Variants in SOX9 observed in about 807,000 individuals in gnomAD.
SOX9 encodes transcription factor SOX-9.
SOX9 carries 2 observed loss-of-function variants against 44.8 expected under a neutral mutation model. That is an observed-to-expected ratio of 0.04 (90% CI 0.02 to 0.14). The LOEUF (loss-of-function observed/expected upper bound fraction) is 0.14. Ranked by LOEUF, SOX9 falls within the 10% of genes least tolerant of loss-of-function variation. The pLI, the probability that SOX9 is intolerant of heterozygous loss-of-function variation, is 1.00. For synonymous variants in SOX9, 381 were observed against 331.8 expected, an observed-to-expected ratio of 1.15 and a Z score of -1.61; for missense variants, 583 against 728.6, an observed-to-expected ratio of 0.80 and a Z score of 2.30.
rs763744617 is a variant in SOX9, at chr17:72,124,111, C to T, written c.1254C>T (p.Ile418=). 1 of 1,613,814 alleles carries T rather than the reference C, an allele frequency of 6.2e-7. No individual in the cohort carries two copies. Among genetic ancestry groups the T allele is most frequent in the Non-Finnish European group, 8.5e-7 (1 of 1,179,990 alleles). ...AGCAGCAGCACTCGCCCCAACAGAT[C>T]GCCTACAGCCCCTTCAACCTCCCAC... ...SEQQQHSPQQ[I]AYSPFNLPHY... The change falls in exon 3 of 3, where the codon ATC becomes ATT. Residue 418 remains isoleucine (I), a synonymous_variant. Coordinates refer to ENST00000245479, the MANE Select transcript of SOX9 (RefSeq NM_000346.4). The surrounding 1 kb of genome is among the most constrained non-coding windows in gnomAD (Gnocchi z 4.6).
At chr17:72,122,571 G>A (rs889130376) in intron 1 of SOX9, 148 bp from the exon 2 acceptor site, 1 of 681,790 alleles carries the variant, frequency 1.5e-6, no homozygotes, top group African/African-American at 1.8e-5. Context: ...ATGAGCTGTG[G>A]TTGCAGGCAG....
Position 72,123,014 on chromosome 17 carries a change from C to G in SOX9, c.685+42C>G. Reference sequence around the variant, plus strand: ...CCCCACCGGACAAGCTATCTCCGTCCCGCCTGGCACACCCCCTGCCCTCCG... The same window carrying G: ...CCCCACCGGACAAGCTATCTCCGTCGCGCCTGGCACACCCCCTGCCCTCCG... On this transcript the variant is annotated intron_variant, in intron 2 of 2. Coordinates refer to ENST00000245479, the MANE Select transcript of SOX9 (RefSeq NM_000346.4). The surrounding 1 kb of genome is among the most constrained non-coding windows in gnomAD (Gnocchi z 6.5). The G allele has an allele frequency of 1.2e-6, 2 of 1,604,818 alleles. No individual in the cohort carries two copies. The highest frequency in any genetic ancestry group is 1.7e-6 in the Non-Finnish European group (2 of 1,178,504).
rs1404583942 is a variant in SOX9, at chr17:72,121,438, A to T, written c.47A>T (p.Lys16Met). The change falls in exon 1 of 3, where the codon AAG becomes ATG. Residue 16 changes from lysine (K) to methionine (M), a missense_variant. By Grantham distance (95) the Lys-to-Met change is moderately conservative. Transcript: ENST00000245479. The surrounding 1 kb of genome is among the most constrained non-coding windows in gnomAD (Gnocchi z 8.3). ...PFMKMTDEQE[K>M]GLSGAPSPTM... ...ATGAAGATGACCGACGAGCAGGAGAAGGGCCTGTCCGGCGCCCCCAGCCCC... is the reference window on the plus strand; with the variant it reads ...ATGAAGATGACCGACGAGCAGGAGATGGGCCTGTCCGGCGCCCCCAGCCCC... 4 of 1,612,424 alleles carry T rather than the reference A, an allele frequency of 2.5e-6. No homozygotes were observed. Among genetic ancestry groups the T allele is most frequent in the Non-Finnish European group, 3.4e-6 (4 of 1,179,646 alleles).
In SOX9 at chr17:72,122,912, G is replaced by T. The variant is rs781092407; in HGVS notation, c.625G>T (p.Ala209Ser). Residue 209 changes from alanine (A) to serine (S), a missense_variant, in exon 2 of 3, where the codon GCC (alanine) becomes TCC (serine). By Grantham distance (99) the Ala-to-Ser change is moderately conservative. This residue lies in a region of SOX9 where 88 missense variants were observed against 65.5 expected (regional missense o/e 1.34). Transcript: ENST00000245479. ...CAACGCCATCTTCAAGGCGCTGCAGGCCGACTCGCCACACTCCTCCTCCGG... is the reference window on the plus strand; with the variant it reads ...CAACGCCATCTTCAAGGCGCTGCAGTCCGACTCGCCACACTCCTCCTCCGG... ...SPNAIFKALQADSPHSSSGMS... is the reference protein window; with the variant it reads ...SPNAIFKALQSDSPHSSSGMS... 2 of 1,614,104 alleles carry T rather than the reference G, an allele frequency of 1.2e-6. No individual in the cohort carries two copies. The highest frequency in any genetic ancestry group is 2.2e-5 in the South Asian group (2 of 91,082).
In SOX9 at chr17:72,125,625, C is replaced by T. The variant is rs946755152; in HGVS notation, c.*1238C>T. The T allele has an allele frequency of 2.8e-4, 62 of 220,488 alleles. No individual in the cohort carries two copies. Among genetic ancestry groups the T allele is most frequent in the African/African-American group, 1.3e-3 (58 of 43,538 alleles). 13.7% of individuals were successfully genotyped at this position (220,488 alleles called of 1,614,324 possible). A position where few individuals can be genotyped will look rare whatever the true frequency, so the allele number is the denominator to read the frequency against. On this transcript the variant is annotated 3_prime_UTR_variant, in exon 3 of 3. Transcript: ENST00000245479. ...TGGAGCTTTCCTCAAAGGGTATGGT[C>T]ATCTGTTGTTAAATTATGTTCTTAA...
In SOX9 at chr17:72,124,853, T is replaced by A. The variant is rs567372129; in HGVS notation, c.*466T>A. ...TATTTTTAGTATGTACTGTGTATGATTCATTACCATTTTGAGGGGATTTAT... is the reference window on the plus strand; with the variant it reads ...TATTTTTAGTATGTACTGTGTATGAATCATTACCATTTTGAGGGGATTTAT... On this transcript the variant is annotated 3_prime_UTR_variant, in exon 3 of 3. Coordinates refer to ENST00000245479, the MANE Select transcript of SOX9 (RefSeq NM_000346.4). The surrounding 1 kb of genome is among the most constrained non-coding windows in gnomAD (Gnocchi z 4.6). The A allele has an allele frequency of 6.6e-5, 18 of 271,728 alleles. No individual in the cohort carries two copies. Among genetic ancestry groups the A allele is most frequent in the African/African-American group, 3.0e-4 (14 of 46,318 alleles). 16.8% of individuals were successfully genotyped at this position (271,728 alleles called of 1,614,324 possible).
Position 72,121,304 on chromosome 17 carries a change from G to C in SOX9, c.-88G>C. On this transcript the variant is annotated 5_prime_UTR_variant, in exon 1 of 3. Coordinates refer to ENST00000245479, the MANE Select transcript of SOX9 (RefSeq NM_000346.4). This position sits in a 1 kb window ranked among gnomAD's most constrained non-coding sequence, Gnocchi z 8.3. Reference sequence around the variant, plus strand: ...CCGCTTGCTCCGCATCCGGGCAGCCGAGGGGAGAGGAGCCCGCGCCTCGAG... The same window carrying C: ...CCGCTTGCTCCGCATCCGGGCAGCCCAGGGGAGAGGAGCCCGCGCCTCGAG... 1.6e-6 allele frequency: 2 copies of C among 1,239,544 alleles called. No individual in the cohort carries two copies. The allele number at this position is 1,239,544 out of a possible 1,614,324, so 76.8% of individuals were successfully genotyped here.
Position 72,123,104 on chromosome 17 carries a change from C to A in SOX9, c.685+132C>A. Reference sequence around the variant, plus strand: ...GGGACACACTGCCCTTTGCGCCCGTCCCGCTCCCCTCTCTACCCAGAGCCT... The same window carrying A: ...GGGACACACTGCCCTTTGCGCCCGTACCGCTCCCCTCTCTACCCAGAGCCT... On this transcript the variant is annotated intron_variant, in intron 2 of 2. Coordinates refer to ENST00000245479, the MANE Select transcript of SOX9 (RefSeq NM_000346.4). This position sits in a 1 kb window ranked among gnomAD's most constrained non-coding sequence, Gnocchi z 6.5. 1 of 1,106,220 alleles carries A rather than the reference C, an allele frequency of 9.0e-7. No homozygotes were observed. The highest frequency in any genetic ancestry group is 2.0e-5 in the Admixed American group (1 of 49,966). 68.5% of individuals were successfully genotyped at this position (1,106,220 alleles called of 1,614,324 possible). A position where few individuals can be genotyped will look rare whatever the true frequency, so the allele number is the denominator to read the frequency against.
Position 72,121,440 on chromosome 17 carries a change from G to A in SOX9, c.49G>A (p.Gly17Ser). 1.2e-6 allele frequency: 2 copies of A among 1,612,858 alleles called. No homozygotes were observed. Among genetic ancestry groups the A allele is most frequent in the Non-Finnish European group, 1.7e-6 (2 of 1,179,848 alleles). Reference sequence around the variant, plus strand: ...GAAGATGACCGACGAGCAGGAGAAGGGCCTGTCCGGCGCCCCCAGCCCCAC... The same window carrying A: ...GAAGATGACCGACGAGCAGGAGAAGAGCCTGTCCGGCGCCCCCAGCCCCAC... The part of the protein sequence containing the change: ...FMKMTDEQEK[G>S]LSGAPSPTMS... Residue 17 changes from glycine (G) to serine (S), a missense_variant, in exon 1 of 3, where the codon GGC (glycine) becomes AGC (serine). Coordinates refer to ENST00000245479, the MANE Select transcript of SOX9 (RefSeq NM_000346.4). This position sits in a 1 kb window ranked among gnomAD's most constrained non-coding sequence, Gnocchi z 8.3.
chr17:72,121,250 G>T lies in SOX9; in HGVS notation c.-142G>T. On this transcript the variant is annotated 5_prime_UTR_variant, in exon 1 of 3. Coordinates refer to ENST00000245479, the MANE Select transcript of SOX9 (RefSeq NM_000346.4). This position sits in a 1 kb window ranked among gnomAD's most constrained non-coding sequence, Gnocchi z 8.3. ...GCCTTCCTAAGTGCTCGCCGCGGTA[G>T]CCGGCCGACGCGCCAGCTTCCCCGG... 1.3e-6 allele frequency: 1 copy of T among 741,786 alleles called. No individual in the cohort carries two copies. The highest frequency in any genetic ancestry group is 2.2e-6 in the Non-Finnish European group (1 of 449,830). 46.0% of individuals were successfully genotyped at this position (741,786 alleles called of 1,614,324 possible). A position where few individuals can be genotyped will look rare whatever the true frequency, so the allele number is the denominator to read the frequency against.
rs751227043 is a variant in SOX9, at chr17:72,122,959, C to G, written c.672C>G (p.Pro224=). 1 of 1,613,528 alleles carries G rather than the reference C, an allele frequency of 6.2e-7. No individual in the cohort carries two copies. Among genetic ancestry groups the G allele is most frequent in the Non-Finnish European group, 8.5e-7 (1 of 1,179,946 alleles). Residue 224 remains proline (P), a synonymous_variant, in exon 2 of 3, where the codon CCC becomes CCG. Transcript: ENST00000245479. Reference sequence around the variant, plus strand: ...CCGGCATGAGCGAGGTGCACTCCCCCGGCGAGCACTCGGGTGAGTCGCCCC... The same window carrying G: ...CCGGCATGAGCGAGGTGCACTCCCCGGGCGAGCACTCGGGTGAGTCGCCCC... The part of the protein sequence containing the change: ...SSSGMSEVHS[P]GEHSGQSQGP...
rs1230715160 is a variant in SOX9 at position 72,121,096 on chromosome 17, CTT to C, written c.-293_-292del. On this transcript the variant is annotated 5_prime_UTR_variant, in exon 1 of 3. Coordinates refer to ENST00000245479, the MANE Select transcript of SOX9 (RefSeq NM_000346.4). This position sits in a 1 kb window ranked among gnomAD's most constrained non-coding sequence, Gnocchi z 8.3. ...GACTCGCCAGTTTCAACCCCGGAAA[CTT>C]TTCTTTGCAGGAGGAGAAGAGAAGG... 6 of 546,626 alleles carry C rather than the reference CTT, an allele frequency of 1.1e-5. No individual in the cohort carries two copies. Among genetic ancestry groups the C allele is most frequent in the Non-Finnish European group, 1.9e-5 (6 of 313,444 alleles). The allele number at this position is 546,626 out of a possible 1,614,324, so 33.9% of individuals were successfully genotyped here.
chr17:72,122,968 C>A lies in SOX9; in HGVS notation c.681C>A (p.His227Gln), dbSNP rs2143247464. Residue 227 changes from histidine (H) to glutamine (Q), a missense_variant, in exon 2 of 3, where the codon CAC becomes CAA. Physicochemically the swap from His to Gln is conservative, Grantham distance 24 (BLOSUM62 0). Transcript: ENST00000245479. ...GMSEVHSPGE[H>Q]SGQSQGPPTP... Reference sequence around the variant, plus strand: ...GCGAGGTGCACTCCCCCGGCGAGCACTCGGGTGAGTCGCCCCTCGACCCCA... The same window carrying A: ...GCGAGGTGCACTCCCCCGGCGAGCAATCGGGTGAGTCGCCCCTCGACCCCA... The A allele has an allele frequency of 6.2e-7, 1 of 1,613,192 alleles. No homozygotes were observed. Among genetic ancestry groups the A allele is most frequent in the Non-Finnish European group, 8.5e-7 (1 of 1,179,944 alleles).
In SOX9 at chr17:72,123,996, ACACGCTGAC is replaced by A. The variant is rs1486257792; in HGVS notation, c.1148_1156del (p.Thr383_Leu385del). The A allele has an allele frequency of 1.3e-6, 2 of 1,599,230 alleles. No individual in the cohort carries two copies. Among genetic ancestry groups the A allele is most frequent in the African/African-American group, 1.3e-5 (1 of 74,668 alleles). ...GCACCCCCGCAGCAGCCACAGGCGC[ACACGCTGAC>A]CACGCTGAGCAGCGAGCCGGGCCAG... On this transcript the variant is annotated inframe_deletion, in exon 3 of 3. Coordinates refer to ENST00000245479, the MANE Select transcript of SOX9 (RefSeq NM_000346.4). This position sits in a 1 kb window ranked among gnomAD's most constrained non-coding sequence, Gnocchi z 6.5.
rs1345584333 is a variant in SOX9, at chr17:72,123,101, C to G, written c.685+129C>G. 6 of 1,169,912 alleles carry G rather than the reference C, an allele frequency of 5.1e-6. No homozygotes were observed. The East Asian group carries it at 1.5e-4, about 30-fold the overall frequency. 72.5% of individuals were successfully genotyped at this position (1,169,912 alleles called of 1,614,324 possible). ...GGAGGGACACACTGCCCTTTGCGCC[C>G]GTCCCGCTCCCCTCTCTACCCAGAG... On this transcript the variant is annotated intron_variant, in intron 2 of 2. Coordinates refer to ENST00000245479, the MANE Select transcript of SOX9 (RefSeq NM_000346.4). The surrounding 1 kb of genome is among the most constrained non-coding windows in gnomAD (Gnocchi z 6.5).
Position 72,125,736 on chromosome 17 carries a change from T to C in SOX9, c.*1349T>C, listed in dbSNP as rs1026476914. The C allele has an allele frequency of 2.2e-5, 5 of 226,738 alleles. No individual in the cohort carries two copies. The highest frequency in any genetic ancestry group is 8.9e-5 in the African/African-American group (4 of 44,960). The allele number at this position is 226,738 out of a possible 1,614,324, so 14.0% of individuals were successfully genotyped here. A position where few individuals can be genotyped will look rare whatever the true frequency, so the allele number is the denominator to read the frequency against. On this transcript the variant is annotated 3_prime_UTR_variant, in exon 3 of 3. Transcript: ENST00000245479. Reference sequence around the variant, plus strand: ...CTTTGTATTCCTCACCCTAGATTTGTATAAATGCCTTTTTGTCCATCCCTT... The same window carrying C: ...CTTTGTATTCCTCACCCTAGATTTGCATAAATGCCTTTTTGTCCATCCCTT...
rs775269336 is a variant in SOX9, at chr17:72,123,497, A to T, written c.686-46A>T. The T allele has an allele frequency of 6.2e-7, 1 of 1,612,868 alleles. No individual in the cohort carries two copies. Among genetic ancestry groups the T allele is most frequent in the South Asian group, 1.1e-5 (1 of 91,056 alleles). On this transcript the variant is annotated intron_variant, in intron 2 of 2. Transcript: ENST00000245479. This position sits in a 1 kb window ranked among gnomAD's most constrained non-coding sequence, Gnocchi z 6.5. Reference sequence around the variant, plus strand: ...GGGTGCCTAAGACTAGGGCGTCTGCACAGCCCTTGTTGATTTTCTCGTGCT... The same window carrying T: ...GGGTGCCTAAGACTAGGGCGTCTGCTCAGCCCTTGTTGATTTTCTCGTGCT...
Position 72,123,990 on chromosome 17 carries a change from A to G in SOX9, c.1133A>G (p.Gln378Arg), listed in dbSNP as rs763307623. 3 of 1,567,540 alleles carry G rather than the reference A, an allele frequency of 1.9e-6. No individual in the cohort carries two copies. The highest frequency in any genetic ancestry group is 1.7e-6 in the Non-Finnish European group (2 of 1,159,194). ...CCGGCGGCACCCCCGCAGCAGCCAC[A>G]GGCGCACACGCTGACCACGCTGAGC... ...QQPAAPPQQP[Q>R]AHTLTTLSSE... Residue 378 changes from glutamine (Q) to arginine (R), a missense_variant, in exon 3 of 3, where the codon CAG becomes CGG. Physicochemically the swap from Gln to Arg is conservative, Grantham distance 43 (BLOSUM62 1). Coordinates refer to ENST00000245479, the MANE Select transcript of SOX9 (RefSeq NM_000346.4). The surrounding 1 kb of genome is among the most constrained non-coding windows in gnomAD (Gnocchi z 6.5).
Position 72,124,023 on chromosome 17 carries a change from C to A in SOX9, c.1166C>A (p.Pro389Gln). The A allele has an allele frequency of 6.2e-7, 1 of 1,608,154 alleles. No homozygotes were observed. The highest frequency in any genetic ancestry group is 1.7e-5 in the Admixed American group (1 of 59,814). Reference sequence around the variant, plus strand: ...ACGCTGACCACGCTGAGCAGCGAGCCGGGCCAGTCCCAGCGAACGCACATC... The same window carrying A: ...ACGCTGACCACGCTGAGCAGCGAGCAGGGCCAGTCCCAGCGAACGCACATC... ...AHTLTTLSSE[P>Q]GQSQRTHIKT... Residue 389 changes from proline to glutamine, a missense_variant, in exon 3 of 3, where the codon CCG becomes CAG. Physicochemically the swap from Pro to Gln is moderately conservative, Grantham distance 76 (BLOSUM62 -1). This residue lies in a region of SOX9 where 349 missense variants were observed against 387.0 expected (regional missense o/e 0.90). Transcript: ENST00000245479. This position sits in a 1 kb window ranked among gnomAD's most constrained non-coding sequence, Gnocchi z 4.6.
Sources: gnomAD v4.1 joint callset for allele counts on GRCh38, gnomAD v4.1.1 for gene constraint, gnomAD v4.1.1 regional missense constraint, Gnocchi (gnomAD v3.1) non-coding constraint, MANE v1.5 for transcripts, NCBI Gene and HGNC (gene_info 2026-07-23, HGNC 2026-07-21) for gene names.